KIF1A: variants seen among roughly 807,000 people sequenced by gnomAD.
KIF1A encodes kinesin-like protein KIF1A.
A neutral mutation model predicts 227.3 loss-of-function variants in KIF1A; 46 were observed. The observed-to-expected ratio is 0.20, with a 90% confidence interval of 0.16 to 0.26. The LOEUF (loss-of-function observed/expected upper bound fraction) is 0.26, where lower values mean the gene tolerates loss of function less well. Ranked by LOEUF, KIF1A falls within the 10% of genes least tolerant of loss-of-function variation. KIF1A has a pLI of 1.00. For synonymous variants in KIF1A, 1,022 were observed against 1,012.8 expected (o/e 1.01, Z -0.17); for missense variants, 1,683 against 2,485.9 (o/e 0.68, Z 6.87).
In KIF1A at chr2:240,714,165, A is replaced by G. The variant is rs2044404135; in HGVS notation, c.*3199T>C. ...AGTAAACACCTGTGACATCAGCCCC[A>G]CCAGGGCCCCAGGTGCTGGGGACTC... On this transcript the variant is annotated 3_prime_UTR_variant, in exon 49 of 49. Coordinates refer to ENST00000498729, the MANE Select transcript of KIF1A (RefSeq NM_001244008.2). 1 of 152,482 alleles carries G rather than the reference A, an allele frequency of 6.6e-6. No individual in the cohort carries two copies. The highest frequency in any genetic ancestry group is 1.5e-5 in the Non-Finnish European group (1 of 68,150). The allele number at this position is 152,482 out of a possible 1,614,324, so 9.4% of individuals were successfully genotyped here.
At chr2:240,748,669 C>A in intron 28 of KIF1A, 1 of 319,486 alleles carries the variant, frequency 3.1e-6, no homozygotes, top group Non-Finnish European at 6.6e-6. Context: ...CCCCACCTTC[C>A]AGCAGCAGGG....
At position 240,770,877 on chromosome 2, in the gene KIF1A, G is replaced by A. The variant is rs139653472; in HGVS notation, c.1341+94C>T. On this transcript the variant is annotated intron_variant, in intron 15 of 48. Transcript: ENST00000498729. ...TGCTCCACAATGGCCCTATGAGGAT[G>A]GGCTGTACCCAGGAGGGCAGGGTGC... 1.9e-3 allele frequency: 2,788 copies of A among 1,449,448 alleles called. 52 individuals carry two copies. The African/African-American group carries it at 0.035, about 18-fold the overall frequency. The allele number at this position is 1,449,448 out of a possible 1,614,324, so 89.8% of individuals were successfully genotyped here.
intron 1 of KIF1A, among the ~76,000 whole-genome samples, chr2:240,808,158 A>T (rs938444362): frequency 3.9e-5 from 6 of 152,334 alleles, no homozygotes; most frequent in African/African-American, 1.4e-4. Context: ...AACCAGTAAG[A>T]CAGGAAAATA....
rs1230147734 is a variant in KIF1A at position 240,737,109 on chromosome 2, G to C, written c.3961C>G (p.Leu1321Val). 6.2e-7 allele frequency: 1 copy of C among 1,613,818 alleles called. No homozygotes were observed. Among genetic ancestry groups the C allele is most frequent in the South Asian group, 1.1e-5 (1 of 91,066 alleles). The change falls in exon 38 of 49, where the codon CTC (leucine) becomes GTC (valine). Residue 1321 changes from leucine (L) to valine (V), a missense_variant. This residue lies in a region of KIF1A where 759 missense variants were observed against 1,020.2 expected (regional missense o/e 0.74). Coordinates refer to ENST00000498729, the MANE Select transcript of KIF1A (RefSeq NM_001244008.2). Reference protein sequence around the residue: ...ESLIDPNILSLNILSSGYIHP... With the variant: ...ESLIDPNILSVNILSSGYIHP... ...ATGTATCCGGAAGAGAGGATGTTGA[G>C]AGACAAGATGTTGGGGTCGATCAGG...
intron 20 of KIF1A, among the ~76,000 whole-genome samples, chr2:240,763,789 C>T (rs779034176): frequency 2.0e-5 from 3 of 152,206 alleles, no homozygotes; most frequent in African/African-American, 2.4e-5. Flanking sequence ...TCTGTCTCCC[C>T]GACTAGACTG....
intron 46 of KIF1A, 46 bp from the exon 47 acceptor site, chr2:240,719,244 C>T (rs371050230): frequency 8.2e-5 from 128 of 1,566,762 alleles, no homozygotes; most frequent in Admixed American, 2.0e-4. Flanking sequence ...GTGGGGGCAG[C>T]GACTGACTCG....
At chr2:240,753,727 T>C (rs978386840) in intron 27 of KIF1A, among the ~76,000 whole-genome samples, 2 of 152,180 alleles carry the variant, frequency 1.3e-5, no homozygotes, top group African/African-American at 2.4e-5. Flanking sequence ...CTCAACCAGC[T>C]GCACCCTTCT....
In KIF1A at chr2:240,716,019, C is replaced by T. The variant is rs1454488419; in HGVS notation, c.*1345G>A. On this transcript the variant is annotated 3_prime_UTR_variant, in exon 49 of 49. Transcript: ENST00000498729. ...TGGACATGACTCCTATGACCAGACTCTCAGCTTGGGGCTGACCCCCGTCCT... is the reference window on the plus strand; with the variant it reads ...TGGACATGACTCCTATGACCAGACTTTCAGCTTGGGGCTGACCCCCGTCCT... 2 of 152,292 alleles carry T rather than the reference C, an allele frequency of 1.3e-5. No homozygotes were observed. Among genetic ancestry groups the T allele is most frequent in the Non-Finnish European group, 2.9e-5 (2 of 68,064 alleles). The allele number at this position is 152,292 out of a possible 1,614,324, so 9.4% of individuals were successfully genotyped here. A position where few individuals can be genotyped will look rare whatever the true frequency, so the allele number is the denominator to read the frequency against.
At chr2:240,730,629 G>A (rs373371408) in intron 38 of KIF1A, among the ~76,000 whole-genome samples, 53 of 152,312 alleles carry the variant, frequency 3.5e-4, no homozygotes, top group Admixed American at 2.8e-3. Context: ...CTCCTCGCCC[G>A]AAGGGAACAT....
intron 1 of KIF1A, among the ~76,000 whole-genome samples, chr2:240,817,672 G>A (rs965316784): frequency 1.3e-5 from 2 of 152,146 alleles, no homozygotes; most frequent in Admixed American, 6.5e-5. Context: ...CTGTGGGAAC[G>A]TCTCCCTTCC....
At chr2:240,751,401 A>C (rs2049191225) in intron 27 of KIF1A, among the ~76,000 whole-genome samples, 1 of 152,168 alleles carries the variant, frequency 6.6e-6, no homozygotes, top group Non-Finnish European at 1.5e-5. Flanking sequence ...CCTCGATTCC[A>C]GAGCAGATAC....
At chr2:240,733,023 AGGGATGAGGG>A (rs2046928292) in intron 38 of KIF1A, among the ~76,000 whole-genome samples, 1 of 29,964 alleles carries the variant, frequency 3.3e-5, no homozygotes, top group Non-Finnish European at 6.4e-5. Context: ...GGAATGAGGG[AGGGATGAGGG>A]GGAATGAGGG....
chr2:240,791,448 C>T (rs1471910039), intron 2 of KIF1A, among the ~76,000 whole-genome samples: 6 of 142,444 alleles, frequency 4.2e-5, no homozygotes, highest in Non-Finnish European at 7.7e-5. Flanking sequence ...TCCACCCCCT[C>T]GCCTCACCCG....
At chr2:240,785,727 C>T (rs982939581) in intron 6 of KIF1A, among the ~76,000 whole-genome samples, 4 of 152,208 alleles carry the variant, frequency 2.6e-5, no homozygotes, top group Non-Finnish European at 4.4e-5. Context: ...TCATCAGGAA[C>T]AGCACCCCCA....
Position 240,736,993 on chromosome 2 carries a change from C to T in KIF1A, c.4007+70G>A, listed in dbSNP as rs974813537. 78 of 1,272,656 alleles carry T rather than the reference C, an allele frequency of 6.1e-5. No individual in the cohort carries two copies. The highest frequency in any genetic ancestry group is 4.7e-4 in the African/African-American group (32 of 68,276). 78.8% of individuals were successfully genotyped at this position (1,272,656 alleles called of 1,614,324 possible). On this transcript the variant is annotated intron_variant, in intron 38 of 48. Coordinates refer to ENST00000498729, the MANE Select transcript of KIF1A (RefSeq NM_001244008.2). This position sits in a 1 kb window ranked among gnomAD's most constrained non-coding sequence, Gnocchi z 4.7. ...CACCTTGTGTGGCTGAACCCTGTGC[C>T]GGGTTGGCTGAGGGCCTGGCAGGCT...
At position 240,747,093 on chromosome 2, in the gene KIF1A, A is replaced by T. The variant is rs1017283307; in HGVS notation, c.3063+143T>A. On this transcript the variant is annotated intron_variant, in intron 29 of 48. Coordinates refer to ENST00000498729, the MANE Select transcript of KIF1A (RefSeq NM_001244008.2). The stretch of plus-strand genomic sequence containing the variant: ...GTGTGCTTAGAGATGGGGCAGGCTC[A>T]GTGCTCTGGACCAGAGGGAAGAACC... The T allele has an allele frequency of 9.9e-6, 6 of 605,808 alleles. No individual in the cohort carries two copies. In the Admixed American group the frequency reaches 1.6e-4, roughly 17 times the overall value. 37.5% of individuals were successfully genotyped at this position (605,808 alleles called of 1,614,324 possible).
chr2:240,749,361 T>C (rs2048961505), intron 28 of KIF1A, among the ~76,000 whole-genome samples: 1 of 152,132 alleles, frequency 6.6e-6, no homozygotes, highest in Non-Finnish European at 1.5e-5. Flanking sequence ...CATCTCAGCC[T>C]GCTCCAGGTC....
chr2:240,761,137 G>A lies in KIF1A; in HGVS notation c.2265+92C>T, dbSNP rs974530568. 32 of 1,431,908 alleles carry A rather than the reference G, an allele frequency of 2.2e-5. No homozygotes were observed. The South Asian group carries it at 4.1e-4, about 18-fold the overall frequency. The allele number at this position is 1,431,908 out of a possible 1,614,324, so 88.7% of individuals were successfully genotyped here. On this transcript the variant is annotated intron_variant, in intron 24 of 48. Coordinates refer to ENST00000498729, the MANE Select transcript of KIF1A (RefSeq NM_001244008.2). ...ATGCCACCCCCGGGGCCGGCAGAGA[G>A]CCAAGTGCTGAGTCCCAAGTAGCTG...
intron 38 of KIF1A, among the ~76,000 whole-genome samples, chr2:240,728,844 C>T (rs895235628): frequency 6.6e-6 from 1 of 152,212 alleles, no homozygotes; most frequent in African/African-American, 2.4e-5. Context: ...AGCTGTGTGG[C>T]CTCAGGATGT....
Sources: allele counts gnomAD v4.1 joint callset (sites outside exome capture counted in the v4.1 genomes callset), GRCh38; gene constraint gnomAD v4.1.1; regional missense constraint gnomAD v4.1.1; non-coding constraint Gnocchi (gnomAD v3.1); transcripts MANE v1.5; gene names NCBI Gene and HGNC (gene_info 2026-07-23, HGNC 2026-07-21).